Variants in CEP152 observed in about 807,000 individuals in gnomAD.
The protein encoded by CEP152 is centrosomal protein of 152 kDa.
CEP152 carries 132 observed loss-of-function variants against 188.9 expected under a neutral mutation model. The ratio of observed to expected loss-of-function variants is 0.70; its 90% confidence interval spans 0.61 to 0.81. The LOEUF (loss-of-function observed/expected upper bound fraction) is 0.81, where lower values mean the gene tolerates loss of function less well. Ranked by LOEUF, CEP152 falls within the 30% of genes least tolerant of loss-of-function variation. The probability of loss-of-function intolerance (pLI) is 0.00; values close to 1 mark genes in which losing one functional copy is unlikely to be tolerated. For synonymous variants in CEP152, 649 were observed against 666.6 expected, an observed-to-expected ratio of 0.97 and a Z score of 0.41; for missense variants, 1,914 against 1,969.8, an observed-to-expected ratio of 0.97 and a Z score of 0.54.
intron 9 of CEP152, among the ~76,000 whole-genome samples, chr15:48,788,357 G>A (rs561814389): frequency 3.0e-5 from 4 of 133,452 alleles, no homozygotes; most frequent in Non-Finnish European, 3.1e-5. Flanking sequence ...TTGGGGAGAC[G>A]GAGTCTCGCT....
At chr15:48,784,800 T>A (rs533334907) in intron 9 of CEP152, among the ~76,000 whole-genome samples, 1 of 152,338 alleles carries the variant, frequency 6.6e-6, no homozygotes, top group Non-Finnish European at 1.5e-5. Flanking sequence ...TAAATGTGTA[T>A]GTGCATGTGT....
chr15:48,782,223 T>G lies in CEP152; in HGVS notation c.1329A>C (p.Val443=), dbSNP rs587783415. The G allele has an allele frequency of 6.2e-7, 1 of 1,613,750 alleles. No individual in the cohort carries two copies. Among genetic ancestry groups the G allele is most frequent in the Admixed American group, 1.7e-5 (1 of 60,016 alleles). The change falls in exon 11 of 27, where the codon GTA becomes GTC. Residue 443 remains valine (V), a synonymous_variant. Coordinates refer to ENST00000380950, the MANE Select transcript of CEP152 (RefSeq NM_001194998.2). ...QCAHLLQSGS[V]QEVAQLQFQL... ...GGAACTGTAGCTGAGCCACCTCTTGTACTGACCCTGCAGAGGAAAGAACCA... is the reference window on the plus strand; with the variant it reads ...GGAACTGTAGCTGAGCCACCTCTTGGACTGACCCTGCAGAGGAAAGAACCA...
chr15:48,749,593 C>G (rs889668397), intron 21 of CEP152, among the ~76,000 whole-genome samples: 1 of 151,896 alleles, frequency 6.6e-6, no homozygotes, highest in Non-Finnish European at 1.5e-5. Flanking sequence ...AACATATCAC[C>G]CCTTGCAGTG....
intron 26 of CEP152, among the ~76,000 whole-genome samples, chr15:48,739,542 T>C (rs1465206677): frequency 6.6e-6 from 1 of 152,192 alleles, no homozygotes; most frequent in Admixed American, 6.5e-5. Flanking sequence ...GATATATAAT[T>C]ATTATTGCTA....
At chr15:48,790,370 T>C (rs141095361) in intron 8 of CEP152, among the ~76,000 whole-genome samples, 2 of 152,252 alleles carry the variant, frequency 1.3e-5, no homozygotes, top group African/African-American at 4.8e-5. Flanking sequence ...TGAAGGTGAG[T>C]TGGAGGATGG....
chr15:48,744,818 A>C, intron 23 of CEP152, 78 bp downstream of exon 23: 1 of 1,361,418 alleles, frequency 7.3e-7, no homozygotes, highest in Non-Finnish European at 1.0e-6. Context: ...TAACAAAAAA[A>C]ATTGATACTT....
intron 2 of CEP152, among the ~76,000 whole-genome samples, chr15:48,800,994 A>G (rs990381021): frequency 1.3e-5 from 2 of 152,224 alleles, no homozygotes; most frequent in Non-Finnish European, 2.9e-5. Flanking sequence ...AGGATTTTCA[A>G]CTTAAATTAA....
intron 2 of CEP152, 38 bp downstream of exon 2, chr15:48,805,525 T>G: frequency 6.3e-7 from 1 of 1,580,140 alleles, no homozygotes; most frequent in Non-Finnish European, 8.6e-7. Flanking sequence ...AAAGATTGGG[T>G]TTAGTGTCTC....
chr15:48,782,737 G>A (rs1896337904), intron 10 of CEP152, among the ~76,000 whole-genome samples: 1 of 152,154 alleles, frequency 6.6e-6, no homozygotes, highest in Admixed American at 6.5e-5. Flanking sequence ...AATGTACTGG[G>A]CAAGGTGGTG....
Position 48,805,625 on chromosome 15 carries a change from C to T in CEP152, c.25G>A (p.Ala9Thr). The T allele has an allele frequency of 6.2e-7, 1 of 1,611,006 alleles. No homozygotes were observed. The highest frequency in any genetic ancestry group is 8.5e-7 in the Non-Finnish European group (1 of 1,178,936). The change falls in exon 2 of 27, where the codon GCA becomes ACA. Residue 9 changes from alanine to threonine, a missense_variant. Coordinates refer to ENST00000380950, the MANE Select transcript of CEP152 (RefSeq NM_001194998.2). ...TCATCTTCATTTTGCACTGGTAGTG[C>T]CACACTGCCAAAGTCTAATGACATG... MSLDFGSVALPVQNEDEEY... is the reference protein window; with the variant it reads MSLDFGSVTLPVQNEDEEY...
chr15:48,744,186 A>C, intron 24 of CEP152, 54 bp downstream of exon 24: 11 of 1,601,690 alleles, frequency 6.9e-6, no homozygotes, highest in Non-Finnish European at 9.4e-6. Flanking sequence ...TTACTTTAAC[A>C]GTGATAATAA....
rs758841509 is a variant in CEP152 at position 48,791,285 on chromosome 15, T to C, written c.924A>G (p.Ile308Met). Reference protein sequence around the residue: ...KEREIQLEAQIKALETQIQAL... With the variant: ...KEREIQLEAQMKALETQIQAL... ...CTTGTATCTGAGTCTCCAGTGCTTT[T>C]ATTTGAGCTTCAAGCTGTATCTCTC... The change falls in exon 8 of 27, where the codon ATA (isoleucine) becomes ATG (methionine). Residue 308 changes from isoleucine to methionine, a missense_variant. By Grantham distance (10) the Ile-to-Met change is conservative (BLOSUM62 1). Transcript: ENST00000380950. The C allele has an allele frequency of 6.2e-7, 1 of 1,613,148 alleles. No individual in the cohort carries two copies. The highest frequency in any genetic ancestry group is 1.1e-5 in the South Asian group (1 of 91,056).
chr15:48,782,388 G>C (rs1358496842), intron 10 of CEP152, among the ~76,000 whole-genome samples, 158 bp from the exon 11 acceptor site: 1 of 152,158 alleles, frequency 6.6e-6, no homozygotes, highest in Admixed American at 6.5e-5. Context: ...GACCCAGAAG[G>C]CATAGGTCTG....
intron 25 of CEP152, 28 bp downstream of exon 25, chr15:48,741,919 C>A: frequency 6.2e-7 from 1 of 1,614,150 alleles, no homozygotes; most frequent in South Asian, 1.1e-5. Context: ...CTGGTAATCT[C>A]AGGACACATT....
chr15:48,774,746 T>C (rs757941260), intron 12 of CEP152, among the ~76,000 whole-genome samples: 1 of 152,174 alleles, frequency 6.6e-6, no homozygotes, highest in African/African-American at 2.4e-5. Flanking sequence ...GTCTAGTATA[T>C]AATCTAAAAT....
Position 48,738,246 on chromosome 15 carries a change from T to A in CEP152, c.*3A>T, listed in dbSNP as rs1446635401. On this transcript the variant is annotated 3_prime_UTR_variant, in exon 27 of 27. Transcript: ENST00000380950. ...ATGATTCTTCTTAAATACTGTACCA[T>A]AATTAGTCTAGATTAACAAATGGGC... is the stretch of plus-strand genomic sequence containing the variant. The A allele has an allele frequency of 1.9e-6, 3 of 1,611,118 alleles. No individual in the cohort carries two copies. In the South Asian group the frequency reaches 3.3e-5, roughly 18 times the overall value.
At chr15:48,742,251 A>G (rs1398135530) in intron 24 of CEP152, 151 bp from the exon 25 acceptor site, 2 of 764,470 alleles carry the variant, frequency 2.6e-6, no homozygotes, top group African/African-American at 3.5e-5. Flanking sequence ...TTAAAATGGA[A>G]TATTTTAGAT....
rs1441940375 is a variant in CEP152, at chr15:48,752,390, T to C, written c.3425A>G (p.His1142Arg). Reference sequence around the variant, plus strand: ...TGCTTGTAAGGCCAAGGGCTGAGCATGGTGTCCAGCAGCAGGTCCAGGGTC... The same window carrying C: ...TGCTTGTAAGGCCAAGGGCTGAGCACGGTGTCCAGCAGCAGGTCCAGGGTC... ...QGDPGPAAGH[H>R]AQPLALQATE... is the part of the protein sequence containing the mutation. Residue 1142 changes from histidine to arginine, a missense_variant, in exon 21 of 27, where the codon CAT becomes CGT. By Grantham distance (29) the His-to-Arg change is conservative. Coordinates refer to ENST00000380950, the MANE Select transcript of CEP152 (RefSeq NM_001194998.2). 1.9e-6 allele frequency: 3 copies of C among 1,613,900 alleles called. No individual in the cohort carries two copies. The highest frequency in any genetic ancestry group is 2.5e-6 in the Non-Finnish European group (3 of 1,180,032).
chr15:48,771,163 G>C (rs919528125), intron 13 of CEP152, among the ~76,000 whole-genome samples: 1 of 152,138 alleles, frequency 6.6e-6, no homozygotes. Flanking sequence ...CTATAAAGGA[G>C]AGCAGCCCTA....
Sources: allele counts gnomAD v4.1 joint callset (sites outside exome capture counted in the v4.1 genomes callset), GRCh38; gene constraint gnomAD v4.1.1; transcripts MANE v1.5; gene names NCBI Gene and HGNC (gene_info 2026-07-23, HGNC 2026-07-21).